LACTB2: variants seen among roughly 807,000 people sequenced by gnomAD.
LACTB2 encodes endoribonuclease LACTB2.
A neutral mutation model predicts 34.8 loss-of-function variants in LACTB2; 32 were observed. The observed-to-expected ratio is 0.92, with a 90% CI of 0.69 to 1.24. The LOEUF (loss-of-function observed/expected upper bound fraction) is 1.24. Among genes scored for constraint, LACTB2 ranks in the 50% most tolerant of loss-of-function variants. LACTB2 has a pLI of 0.00. For missense variants in LACTB2, 320 were observed against 345.0 expected, an observed-to-expected ratio of 0.93 and a Z score of 0.57; for synonymous variants, 120 against 117.5, an observed-to-expected ratio of 1.02 and a Z score of -0.14.
chr8:70,669,037 G>A lies in LACTB2; in HGVS notation c.84C>T (p.Leu28=). Residue 28 remains leucine (L), a synonymous_variant, in exon 1 of 7, where the codon CTC becomes CTT. Coordinates refer to ENST00000276590, the MANE Select transcript of LACTB2 (RefSeq NM_016027.3). ...VLGCNPGPMT[L]QGTNTYLVGT... ...CCACTAGGTAGGTGTTGGTGCCTTG[G>A]AGGGTCATGGGACCCGGGTTACAGC... 1 of 1,608,394 alleles carries A rather than the reference G, an allele frequency of 6.2e-7. No homozygotes were observed. The highest frequency in any genetic ancestry group is 8.5e-7 in the Non-Finnish European group (1 of 1,177,760).
chr8:70,668,107 T>G (rs142032559), intron 1 of LACTB2, among the ~76,000 whole-genome samples: 215 of 152,332 alleles, frequency 1.4e-3, no homozygotes, highest in African/African-American at 5.0e-3. Context: ...AAATTCTTAT[T>G]TACTGGAAAA....
At chr8:70,638,043 C>T (rs1818145618) in intron 6 of LACTB2, 140 bp from the exon 7 acceptor site, 1 of 455,586 alleles carries the variant, frequency 2.2e-6, no homozygotes, top group South Asian at 6.4e-5. Flanking sequence ...ATTTTTGGTA[C>T]ATGTAAAAAC....
intron 1 of LACTB2, 34 bp from the exon 2 acceptor site, chr8:70,661,931 G>C: frequency 6.5e-7 from 1 of 1,550,056 alleles, no homozygotes; most frequent in Non-Finnish European, 8.8e-7. Context: ...CACACAATTG[G>C]AACACTGCGT....
chr8:70,667,958 G>A (rs1024814992), intron 1 of LACTB2, among the ~76,000 whole-genome samples: 2 of 152,276 alleles, frequency 1.3e-5, no homozygotes, highest in African/African-American at 4.8e-5. Flanking sequence ...GTACCCTAGA[G>A]ATCTGGCATT....
At chr8:70,643,061 T>C (rs1818219300) in intron 4 of LACTB2, among the ~76,000 whole-genome samples, 1 of 152,162 alleles carries the variant, frequency 6.6e-6, no homozygotes, top group Non-Finnish European at 1.5e-5. Flanking sequence ...CCCATTTCAA[T>C]GTAAGTTTAT....
intron 3 of LACTB2, among the ~76,000 whole-genome samples, chr8:70,648,381 CTCAGCAAAAAAAGAAGAAA>C (rs771348405): frequency 3.0e-4 from 45 of 152,068 alleles, no homozygotes; most frequent in Non-Finnish European, 2.1e-4. Context: ...ATATAATATC[CTCAGCAAAAAAAGAAGAAA>C]TTGCAACTAT....
intron 1 of LACTB2, among the ~76,000 whole-genome samples, chr8:70,668,748 GTTTTTTTTTTTTT>G (rs990900411): frequency 1.9e-5 from 2 of 103,732 alleles, no homozygotes; most frequent in Non-Finnish European, 3.8e-5. Flanking sequence ...CAAAACAGAA[GTTTTTTTTTTTTT>G]TTTTTTTTTT....
At chr8:70,641,188 G>A in intron 4 of LACTB2, 138 bp from the exon 5 acceptor site, 2 of 809,628 alleles carry the variant, frequency 2.5e-6, no homozygotes, top group East Asian at 3.3e-5. Context: ...TGAACTATTT[G>A]GAAAGCTATA....
intron 1 of LACTB2, chr8:70,662,323 T>C (rs1408032665): frequency 1.3e-5 from 2 of 154,886 alleles, no homozygotes; most frequent in African/African-American, 4.8e-5. Context: ...TGCCAGAATA[T>C]GTGCTTTTAT....
At chr8:70,658,344 C>T (rs1430333285) in intron 2 of LACTB2, among the ~76,000 whole-genome samples, 1 of 152,168 alleles carries the variant, frequency 6.6e-6, no homozygotes, top group Admixed American at 6.5e-5. Context: ...AGCCCCAAAC[C>T]AGTGGCTAAG....
At position 70,661,767 on chromosome 8, in the gene LACTB2, C is replaced by T. The variant is rs780940668; in HGVS notation, c.253G>A (p.Gly85Ser). 5 of 1,613,116 alleles carry T rather than the reference C, an allele frequency of 3.1e-6. No individual in the cohort carries two copies. Among genetic ancestry groups the T allele is most frequent in the African/African-American group, 1.3e-5 (1 of 74,984 alleles). Residue 85 changes from glycine to serine, a missense_variant, in exon 2 of 7, where the codon GGC becomes AGC. Transcript: ENST00000276590. ...ATGCTTTTACAAATATCTCCTATGC[C>T]TCCAGAATGATCTCGGTGCCAGTGA... The part of the protein sequence containing the change: ...VTHWHRDHSG[G>S]IGDICKSINN...
intron 3 of LACTB2, chr8:70,653,758 G>A (rs1271683885): frequency 3.3e-5 from 5 of 152,122 alleles, no homozygotes; most frequent in Non-Finnish European, 5.9e-5. Flanking sequence ...CAATGCAACA[G>A]AAGACTTGGT....
intron 3 of LACTB2, among the ~76,000 whole-genome samples, chr8:70,648,581 A>G (rs1818295780): frequency 6.6e-6 from 1 of 152,150 alleles, no homozygotes; most frequent in East Asian, 1.9e-4. Context: ...GAGAGAGAAA[A>G]AAATAAAGTT....
intron 3 of LACTB2, among the ~76,000 whole-genome samples, chr8:70,644,767 AC>A (rs1300406205): frequency 6.6e-6 from 1 of 152,198 alleles, no homozygotes; most frequent in Non-Finnish European, 1.5e-5. Context: ...GGCATTAGCC[AC>A]CTCATCTGGC....
Position 70,669,092 on chromosome 8 carries a change from C to A in LACTB2, c.29G>T (p.Arg10Leu). The A allele has an allele frequency of 6.2e-7, 1 of 1,611,738 alleles. No individual in the cohort carries two copies. The highest frequency in any genetic ancestry group is 8.5e-7 in the Non-Finnish European group (1 of 1,179,240). Residue 10 changes from arginine to leucine, a missense_variant, in exon 1 of 7, where the codon CGG (arginine) becomes CTG (leucine). Transcript: ENST00000276590. MAAVLQRVERLSNRVVRVLG... is the reference protein window; with the variant it reads MAAVLQRVELLSNRVVRVLG... ...CACACGCACGACTCGATTGGACAGC[C>A]GCTCGACGCGCTGCAGTACAGCAGC...
chr8:70,669,143 C>G lies in LACTB2; in HGVS notation c.-23G>C. On this transcript the variant is annotated 5_prime_UTR_variant, in exon 1 of 7. Transcript: ENST00000276590. ...CATTCCCGCCTCAGCCGCCCGCCGG[C>G]GTGTCGCCTATCTGGATACTCCAGC... 1 of 1,611,082 alleles carries G rather than the reference C, an allele frequency of 6.2e-7. No individual in the cohort carries two copies. Among genetic ancestry groups the G allele is most frequent in the Non-Finnish European group, 8.5e-7 (1 of 1,178,782 alleles).
At chr8:70,648,399 A>C (rs1440812666) in intron 3 of LACTB2, among the ~76,000 whole-genome samples, 1 of 152,128 alleles carries the variant, frequency 6.6e-6, no homozygotes, top group Non-Finnish European at 1.5e-5. Context: ...AAAAAGAAGA[A>C]ATTGCAACTA....
chr8:70,644,074 T>C lies in LACTB2; in HGVS notation c.583A>G (p.Ile195Val). ...TTTAAAAATTACCCACCTGGATATATAATATCAGCTTTGATTTTCAATAAC... is the reference window on the plus strand; with the variant it reads ...TTTAAAAATTACCCACCTGGATATACAATATCAGCTTTGATTTTCAATAAC... ...KELLKIKADI[I>V]YPGHGPVIHN... The change falls in exon 4 of 7, where the codon ATA becomes GTA. Residue 195 changes from isoleucine (I) to valine (V), a missense_variant. Coordinates refer to ENST00000276590, the MANE Select transcript of LACTB2 (RefSeq NM_016027.3). The C allele has an allele frequency of 1.9e-6, 3 of 1,565,014 alleles. No individual in the cohort carries two copies. The highest frequency in any genetic ancestry group is 2.6e-6 in the Non-Finnish European group (3 of 1,159,120).
intron 2 of LACTB2, among the ~76,000 whole-genome samples, chr8:70,659,994 C>T (rs1017935436): frequency 2.0e-5 from 3 of 151,848 alleles, no homozygotes; most frequent in Non-Finnish European, 4.4e-5. Flanking sequence ...AATTAAAGCT[C>T]AATAAAATTG....
Sources: gnomAD v4.1 joint callset for allele counts (sites outside exome capture counted in the v4.1 genomes callset) on GRCh38, gnomAD v4.1.1 for gene constraint, MANE v1.5 for transcripts, NCBI Gene and HGNC (gene_info 2026-07-23, HGNC 2026-07-21) for gene names.